Variants in TRABD2A observed in about 807,000 individuals in gnomAD.
The protein encoded by TRABD2A is TraB domain containing 2A, also known as metalloprotease TIKI1.
In TRABD2A, 43 loss-of-function variants were observed where a neutral mutation model predicts 45.6. The ratio of observed to expected loss-of-function variants is 0.94; its 90% CI spans 0.74 to 1.22. The LOEUF (loss-of-function observed/expected upper bound fraction) is 1.22. TRABD2A is among the 50% of genes most tolerant of loss of function. The pLI is 0.00. For missense variants in TRABD2A, 642 were observed against 652.4 expected, an observed-to-expected ratio of 0.98 and a Z score of 0.17; for synonymous variants, 269 against 265.0, an observed-to-expected ratio of 1.02 and a Z score of -0.15.
chr2:84,878,653 C>T (rs1559101642), intron 1 of TRABD2A, among the ~76,000 whole-genome samples: 1 of 152,120 alleles, frequency 6.6e-6, no homozygotes, highest in Non-Finnish European at 1.5e-5. Context: ...CCAATTTGGG[C>T]TCAGAAGACC....
At chr2:84,879,781 G>A (rs950546696) in intron 1 of TRABD2A, among the ~76,000 whole-genome samples, 2 of 152,184 alleles carry the variant, frequency 1.3e-5, no homozygotes, top group African/African-American at 4.8e-5. Flanking sequence ...AGGGCCGTCC[G>A]CAGCCCCGCG....
intron 2 of TRABD2A, among the ~76,000 whole-genome samples, chr2:84,846,689 C>T (rs2162567): frequency 0.15 from 22,545 of 152,246 alleles, 2,214 homozygotes; most frequent in Non-Finnish European, 0.22. Context: ...ATCCCTCCTT[C>T]GCTGGCTTAG....
At position 84,839,136 on chromosome 2, in the gene TRABD2A, A is replaced by G. The variant is rs1409114034; in HGVS notation, c.991+13T>C. The stretch of plus-strand genomic sequence containing the variant: ...AGATTTCAGAGGCTAATCAGAGGTG[A>G]CCCACTACTCACCAGCTCCAAAGGC... On this transcript the variant is annotated intron_variant, in intron 4 of 6. Transcript: ENST00000409520. 1.9e-6 allele frequency: 3 copies of G among 1,613,690 alleles called. No homozygotes were observed. Among genetic ancestry groups the G allele is most frequent in the Non-Finnish European group, 8.5e-7 (1 of 1,179,776 alleles).
chr2:84,869,434 A>G (rs1682796945), intron 2 of TRABD2A, among the ~76,000 whole-genome samples: 6 of 152,214 alleles, frequency 3.9e-5, no homozygotes, highest in Admixed American at 3.9e-4. Context: ...TTAAATTCCA[A>G]TGCCCTGGGG....
intron 1 of TRABD2A, chr2:84,874,902 C>G (rs1682980717): frequency 5.8e-6 from 1 of 172,910 alleles, no homozygotes; most frequent in Admixed American, 6.3e-5. Flanking sequence ...ACATTAAACA[C>G]AGTGGAAATA....
chr2:84,839,357 G>A, intron 3 of TRABD2A, 34 bp from the exon 4 acceptor site: 1 of 1,548,668 alleles, frequency 6.5e-7, no homozygotes, highest in Non-Finnish European at 8.7e-7. Context: ...AAAATAAGGG[G>A]CAACAGAGTT....
chr2:84,828,480 G>A (rs1285868972), intron 5 of TRABD2A, among the ~76,000 whole-genome samples: 1 of 152,146 alleles, frequency 6.6e-6, no homozygotes, highest in Non-Finnish European at 1.5e-5. Context: ...CTCCTTGCCA[G>A]CCCCTCTTTG....
chr2:84,841,762 C>G, intron 3 of TRABD2A, 99 bp downstream of exon 3: 1 of 1,301,274 alleles, frequency 7.7e-7, no homozygotes, highest in South Asian at 2.1e-5. Flanking sequence ...GCCCTCATGA[C>G]CTCAATCCTT....
rs565350321 is a variant in TRABD2A, at chr2:84,853,648, A to G, written c.670-11641T>C. Among the ~76,000 whole-genome samples the G allele has an allele frequency of 5.9e-5, 9 of 152,328 alleles. No homozygotes were observed. The East Asian group carries it at 1.7e-3, about 29-fold the overall frequency. ...TCCTACAAGACAAGAAACACCAAGG[A>G]TAGGTGTCAACCACCAGAAGCTGGA... On this transcript the variant is annotated intron_variant, in intron 2 of 6. Transcript: ENST00000409520.
intron 5 of TRABD2A, 72 bp from the exon 6 acceptor site, chr2:84,824,276 C>T: frequency 6.4e-7 from 1 of 1,572,812 alleles, no homozygotes; most frequent in Non-Finnish European, 8.6e-7. Flanking sequence ...AGCTCTCTTA[C>T]ACCTCAGGGT....
rs962083881 is a variant in TRABD2A at position 84,822,134 on chromosome 2, C to T, written c.1335-34G>A. ...CAAAGAGAAAGACAGAGTCTGAAGT[C>T]ACAGCAGAAACCACTGCACACGCCA... On this transcript the variant is annotated intron_variant, in intron 6 of 6. Transcript: ENST00000409520. 14 of 1,508,580 alleles carry T rather than the reference C, an allele frequency of 9.3e-6. No individual in the cohort carries two copies. In the African/African-American group the frequency reaches 1.1e-4, roughly 12 times the overall value. 93.4% of individuals were successfully genotyped at this position (1,508,580 alleles called of 1,614,324 possible).
intron 2 of TRABD2A, among the ~76,000 whole-genome samples, chr2:84,868,693 G>C (rs912077433): frequency 1.3e-5 from 2 of 152,152 alleles, no homozygotes; most frequent in African/African-American, 4.8e-5. Context: ...AAGGAAAAAA[G>C]AGACAGTGTT....
intron 4 of TRABD2A, 79 bp downstream of exon 4, chr2:84,839,070 G>T: frequency 6.5e-7 from 1 of 1,531,326 alleles, no homozygotes. Flanking sequence ...CAGGCCCTAA[G>T]CAGGGGCTCA....
chr2:84,863,310 T>C (rs80349154), intron 2 of TRABD2A, among the ~76,000 whole-genome samples: 16,502 of 137,464 alleles, frequency 0.12, 1,072 homozygotes, highest in African/African-American at 0.19. Context: ...AGTGGCGCAA[T>C]CTCGGCTCAC....
intron 1 of TRABD2A, among the ~76,000 whole-genome samples, chr2:84,874,284 T>C (rs143393631): frequency 6.6e-6 from 1 of 152,214 alleles, no homozygotes; most frequent in South Asian, 2.1e-4. Flanking sequence ...CACACGCACA[T>C]ACACGTCTGG....
intron 1 of TRABD2A, among the ~76,000 whole-genome samples, chr2:84,880,003 C>G (rs115965826): frequency 5.4e-5 from 8 of 148,556 alleles, no homozygotes; most frequent in African/African-American, 1.0e-4. Context: ...CAACCCCCCC[C>G]ACCCCCGCGT....
intron 1 of TRABD2A, among the ~76,000 whole-genome samples, 157 bp from the exon 2 acceptor site, chr2:84,870,942 A>G (rs1305463618): frequency 6.6e-6 from 1 of 150,570 alleles, no homozygotes; most frequent in Non-Finnish European, 1.5e-5. Context: ...AGGACAATCC[A>G]TTGCCCTAAA....
chr2:84,823,481 G>A (rs1367355327), intron 6 of TRABD2A, among the ~76,000 whole-genome samples: 1 of 152,070 alleles, frequency 6.6e-6, no homozygotes, highest in Non-Finnish European at 1.5e-5. Context: ...GCAGACTCAG[G>A]CTCGCCTATC....
chr2:84,863,317 T>G (rs1187679433), intron 2 of TRABD2A, among the ~76,000 whole-genome samples: 1 of 140,782 alleles, frequency 7.1e-6, no homozygotes, highest in African/African-American at 2.7e-5. Flanking sequence ...CAATCTCGGC[T>G]CACTGCAAGC....
Sources: allele counts gnomAD v4.1 joint callset (sites outside exome capture counted in the v4.1 genomes callset), GRCh38; gene constraint gnomAD v4.1.1; transcripts MANE v1.5; gene names NCBI Gene and HGNC (gene_info 2026-07-23, HGNC 2026-07-21).